The following PDE11A variants were observed in gnomAD, a reference collection of about 807,000 sequenced individuals.
PDE11A encodes dual 3',5'-cyclic-AMP and -GMP phosphodiesterase 11A.
Under a neutral mutation model 100.5 loss-of-function variants are expected in PDE11A, and 100 were observed. The observed-to-expected ratio is 1.00, with a 90% CI of 0.85 to 1.18. PDE11A has a LOEUF of 1.18. Among genes scored for constraint, PDE11A ranks in the 50% most tolerant of loss-of-function variants. The pLI is 0.00. For synonymous variants in PDE11A, 381 were observed against 420.8 expected (o/e 0.91, Z 1.16); for missense variants, 1,141 against 1,152.6 (o/e 0.99, Z 0.15).
chr2:177,889,814 T>A (rs1198376937), intron 4 of PDE11A, among the ~76,000 whole-genome samples: 2 of 152,180 alleles, frequency 1.3e-5, no homozygotes, highest in Non-Finnish European at 2.9e-5. Flanking sequence ...AACTTTATTT[T>A]TCCTGAGAGA....
At chr2:177,938,965 G>A (rs1365771683) in intron 2 of PDE11A, among the ~76,000 whole-genome samples, 1 of 152,208 alleles carries the variant, frequency 6.6e-6, no homozygotes, top group East Asian at 1.9e-4. Context: ...AAGATGGCCA[G>A]TGGCACACCA....
intron 19 of PDE11A, among the ~76,000 whole-genome samples, chr2:177,660,927 C>T (rs1527406): frequency 0.7 from 106,418 of 152,126 alleles, 37,948 homozygotes; most frequent in Admixed American, 0.79. Flanking sequence ...CCTGGCCACC[C>T]GCCCCTGCCA....
intron 10 of PDE11A, among the ~76,000 whole-genome samples, chr2:177,759,721 T>A (rs1177194138): frequency 6.6e-6 from 1 of 152,190 alleles, no homozygotes; most frequent in Non-Finnish European, 1.5e-5. Context: ...CCATAATGTT[T>A]CTGTTTCCAA....
intron 12 of PDE11A, among the ~76,000 whole-genome samples, chr2:177,712,342 CT>C (rs35906687): frequency 0.01 from 1,408 of 139,770 alleles, 10 homozygotes; most frequent in African/African-American, 0.027. Flanking sequence ...CACAACCCTT[CT>C]TTTTTTTTTT....
intron 2 of PDE11A, chr2:177,997,334 G>T (rs961694667): frequency 1.5e-5 from 13 of 894,086 alleles, no homozygotes; most frequent in South Asian, 7.9e-5. Context: ...AATCTGCCTG[G>T]CATCTCTTTT....
chr2:177,637,018 C>G (rs1056605067), intron 19 of PDE11A, among the ~76,000 whole-genome samples: 1 of 152,240 alleles, frequency 6.6e-6, no homozygotes, highest in Non-Finnish European at 1.5e-5. Flanking sequence ...GGGCCAAATA[C>G]ATACTCTTCC....
intron 1 of PDE11A, among the ~76,000 whole-genome samples, chr2:178,060,411 G>A (rs2086953214): frequency 6.6e-6 from 1 of 152,194 alleles, no homozygotes; most frequent in Non-Finnish European, 1.5e-5. Context: ...TTGGCATATT[G>A]ACCTCCACCC....
chr2:177,770,428 G>A (rs114256437), intron 9 of PDE11A, among the ~76,000 whole-genome samples: 1,658 of 152,368 alleles, frequency 0.011, 37 homozygotes, highest in African/African-American at 0.037. Flanking sequence ...CTGACACAGA[G>A]GCTTAAAAGT....
chr2:178,073,692 T>C (rs759039073), upstream of PDE11A, among the ~76,000 whole-genome samples: 1 of 152,234 alleles, frequency 6.6e-6, no homozygotes, highest in Non-Finnish European at 1.5e-5. Context: ...AAGGTGACGA[T>C]GTATGGAAAC....
chr2:178,012,668 C>G (rs182538586), intron 2 of PDE11A, among the ~76,000 whole-genome samples: 1 of 152,276 alleles, frequency 6.6e-6, no homozygotes, highest in East Asian at 1.9e-4. Flanking sequence ...TCATGAAGCT[C>G]TATCTCACAG....
At chr2:177,680,366 C>G (rs539486294) in intron 16 of PDE11A, among the ~76,000 whole-genome samples, 1 of 152,268 alleles carries the variant, frequency 6.6e-6, no homozygotes, top group East Asian at 1.9e-4. Flanking sequence ...GAAGACGTCC[C>G]AGGCAAAGGC....
chr2:177,795,497 T>TCA lies in PDE11A; in HGVS notation c.1737+21330_1737+21331dup, dbSNP rs1046910130. ...ACAGAGTTTATCAATATATGTGATG[T>TCA]CACACACACACATTTAGGGCATGGA... On this transcript the variant is annotated intron_variant, in intron 9 of 19. Coordinates refer to ENST00000286063, the MANE Select transcript of PDE11A (RefSeq NM_016953.4). Among the ~76,000 whole-genome samples, 6 of 152,026 alleles carry TCA rather than the reference T, an allele frequency of 3.9e-5. No homozygotes were observed. The South Asian group carries it at 6.2e-4, about 16-fold the overall frequency.
chr2:177,832,380 T>C (rs367589456), intron 6 of PDE11A, among the ~76,000 whole-genome samples: 2 of 152,172 alleles, frequency 1.3e-5, no homozygotes, highest in African/African-American at 4.8e-5. Context: ...ACAAGTCAGA[T>C]TGGCTTAGCC....
intron 4 of PDE11A, among the ~76,000 whole-genome samples, chr2:177,891,988 C>T (rs1482468145): frequency 6.6e-6 from 1 of 152,086 alleles, no homozygotes; most frequent in African/African-American, 2.4e-5. Context: ...TAACTTGTAC[C>T]TTTCTCTGGT....
chr2:177,652,352 G>A (rs996284365), intron 19 of PDE11A, among the ~76,000 whole-genome samples: 2 of 152,220 alleles, frequency 1.3e-5, no homozygotes, highest in Non-Finnish European at 2.9e-5. Flanking sequence ...ACTAGGAGTT[G>A]CATGGGGAGA....
At chr2:177,943,561 C>T (rs1367345798) in intron 2 of PDE11A, among the ~76,000 whole-genome samples, 2 of 152,134 alleles carry the variant, frequency 1.3e-5, no homozygotes, top group Admixed American at 6.5e-5. Flanking sequence ...GTCCTTTGCC[C>T]ATTTTTAAAT....
At chr2:178,089,830 GTGTT>G (rs2087399144) in intron 2 of PDE11A, among the ~76,000 whole-genome samples, 1 of 152,186 alleles carries the variant, frequency 6.6e-6, no homozygotes, top group Admixed American at 6.5e-5. Flanking sequence ...ACTGGTACCT[GTGTT>G]ATCTGTTTCT....
At chr2:178,042,451 CT>C (rs1353709213) in intron 1 of PDE11A, among the ~76,000 whole-genome samples, 1 of 147,828 alleles carries the variant, frequency 6.8e-6, no homozygotes, top group Admixed American at 6.8e-5. Flanking sequence ...GCTTTCTAGC[CT>C]TGGTGACAGA....
chr2:177,713,670 G>A (rs2081389099), intron 12 of PDE11A, among the ~76,000 whole-genome samples: 2 of 152,086 alleles, frequency 1.3e-5, no homozygotes, highest in African/African-American at 4.8e-5. Flanking sequence ...GTTGCAGTGA[G>A]CCTGTATGGC....
Sources: allele counts gnomAD v4.1 joint callset (sites outside exome capture counted in the v4.1 genomes callset), GRCh38; gene constraint gnomAD v4.1.1; transcripts MANE v1.5; gene names NCBI Gene and HGNC (gene_info 2026-07-23, HGNC 2026-07-21).